KCNIP4: variants seen among roughly 807,000 people sequenced by gnomAD.
KCNIP4 encodes the protein Kv channel-interacting protein 4.
In KCNIP4, 12 loss-of-function variants were observed where a neutral mutation model predicts 34.0. The ratio of observed to expected loss-of-function variants is 0.35; its 90% CI spans 0.23 to 0.57. KCNIP4 has a LOEUF of 0.57. Ranked by LOEUF, KCNIP4 falls within the 20% of genes least tolerant of loss-of-function variation. The pLI is 0.83. For synonymous variants in KCNIP4, 124 were observed against 102.2 expected (o/e 1.21, Z -1.29); for missense variants, 238 against 311.7 (o/e 0.76, Z 1.78).
At chr4:21,389,230 C>G (rs1356804704) in intron 1 of KCNIP4, among the ~76,000 whole-genome samples, 1 of 152,066 alleles carries the variant, frequency 6.6e-6, no homozygotes, top group Non-Finnish European at 1.5e-5. Flanking sequence ...ATCCATCTGC[C>G]TCAGTCTCCC....
chr4:21,812,443 G>A (rs1721717265), intron 1 of KCNIP4, among the ~76,000 whole-genome samples: 1 of 151,982 alleles, frequency 6.6e-6, no homozygotes, highest in African/African-American at 2.4e-5. Context: ...TCATAACATA[G>A]CTGGAAAAAA....
At chr4:21,881,177 T>A (rs1726438193) in intron 1 of KCNIP4, among the ~76,000 whole-genome samples, 1 of 152,166 alleles carries the variant, frequency 6.6e-6, no homozygotes, top group Non-Finnish European at 1.5e-5. Context: ...TGCTGTTCTG[T>A]CTTGACTAAT....
At position 21,151,135 on chromosome 4, in the gene KCNIP4, T is replaced by C. The variant is rs562840807; in HGVS notation, c.62-268426A>G. Among the ~76,000 whole-genome samples the C allele has an allele frequency of 3.9e-3, 591 of 152,278 alleles. 1 individual carries two copies. Among genetic ancestry groups the C allele is most frequent in the African/African-American group, 0.011 (449 of 41,550 alleles). ...AAAGGAAATACCTGTGTTAGAAGACTTGTGAAAGAAACCTTTGTTCTTTCA... is the reference window on the plus strand; with the variant it reads ...AAAGGAAATACCTGTGTTAGAAGACCTGTGAAAGAAACCTTTGTTCTTTCA... On this transcript the variant is annotated intron_variant, in intron 1 of 8. Transcript: ENST00000382152.
chr4:21,875,629 G>T (rs1237477921), intron 1 of KCNIP4, among the ~76,000 whole-genome samples: 2 of 152,050 alleles, frequency 1.3e-5, no homozygotes. Flanking sequence ...CTTGTCACCG[G>T]AAATCAATGC....
At chr4:21,393,851 C>A (rs1176164319) in intron 1 of KCNIP4, among the ~76,000 whole-genome samples, 2 of 151,858 alleles carry the variant, frequency 1.3e-5, no homozygotes, top group Non-Finnish European at 2.9e-5. Flanking sequence ...TTAAAAGACA[C>A]CTTAGTAGAG....
At position 21,367,378 on chromosome 4, in the gene KCNIP4, T is replaced by C. The variant is rs113036793; in HGVS notation, c.62-484669A>G. Among the ~76,000 whole-genome samples, 5 of 152,294 alleles carry C rather than the reference T, an allele frequency of 3.3e-5. 1 individual carries two copies. The highest frequency in any genetic ancestry group is 1.2e-4 in the African/African-American group (5 of 41,576). On this transcript the variant is annotated intron_variant, in intron 1 of 8. Transcript: ENST00000382152. ...GCACCCACTTGATTCTTTTCTATCT[T>C]GTTGTATGCTGCTTCCTTTATTTGC...
chr4:21,860,358 T>C (rs1327091390), intron 1 of KCNIP4, among the ~76,000 whole-genome samples: 1 of 152,134 alleles, frequency 6.6e-6, no homozygotes, highest in East Asian at 1.9e-4. Flanking sequence ...GGTCTCGAAC[T>C]CCTGACCTCA....
intron 1 of KCNIP4, among the ~76,000 whole-genome samples, chr4:21,692,446 A>C (rs1711760737): frequency 6.6e-6 from 1 of 152,220 alleles, no homozygotes; most frequent in African/African-American, 2.4e-5. Context: ...AGGACAAAAT[A>C]ATTATCCTGA....
chr4:21,366,370 C>T (rs528402113), intron 1 of KCNIP4, among the ~76,000 whole-genome samples: 109 of 152,272 alleles, frequency 7.2e-4, no homozygotes, highest in Admixed American at 2.1e-3. Context: ...CCAGCAATTG[C>T]CTCTTCCTCA....
At chr4:21,735,043 C>A (rs1287888476) in intron 1 of KCNIP4, among the ~76,000 whole-genome samples, 1 of 152,028 alleles carries the variant, frequency 6.6e-6, no homozygotes, top group Non-Finnish European at 1.5e-5. Flanking sequence ...TGAATTTCTT[C>A]TGTGTTCCAA....
intron 1 of KCNIP4, among the ~76,000 whole-genome samples, chr4:21,595,117 T>C (rs1742538000): frequency 6.6e-6 from 1 of 152,116 alleles, no homozygotes. Flanking sequence ...ATTAGCTATT[T>C]GTCCTAATGC....
At chr4:21,255,799 C>T (rs937019316) in intron 1 of KCNIP4, among the ~76,000 whole-genome samples, 71 of 152,240 alleles carry the variant, frequency 4.7e-4, no homozygotes, top group African/African-American at 1.3e-3. Context: ...GACATTGACG[C>T]GGTCCCCAAT....
rs577846715 is a variant in KCNIP4, at chr4:21,484,225, A to C, written c.61+464346T>G. ...GCAGATCGCCTGAGGTCAGGAGTTC[A>C]AGACCAGCTTGACTAACATGGTGAA... On this transcript the variant is annotated intron_variant, in intron 1 of 8. Transcript: ENST00000382152. Among the ~76,000 whole-genome samples the C allele has an allele frequency of 2.6e-3, 401 of 152,150 alleles. 2 individuals are homozygous for C. Among genetic ancestry groups the C allele is most frequent in the Non-Finnish European group, 3.9e-3 (264 of 68,004 alleles).
chr4:20,973,199 C>A (rs1211446682), intron 1 of KCNIP4, among the ~76,000 whole-genome samples: 3 of 152,222 alleles, frequency 2.0e-5, no homozygotes, highest in Non-Finnish European at 4.4e-5. Context: ...CATTGAAAAT[C>A]TGTTTAGTGT....
At chr4:21,157,744 C>G (rs931473485) in intron 1 of KCNIP4, among the ~76,000 whole-genome samples, 51 of 151,958 alleles carry the variant, frequency 3.4e-4, no homozygotes, top group African/African-American at 1.2e-3. Context: ...AAATCAATAG[C>G]CTTAACTTCT....
At chr4:21,097,529 T>TATTACA (rs1197973360) in intron 1 of KCNIP4, among the ~76,000 whole-genome samples, 2 of 152,086 alleles carry the variant, frequency 1.3e-5, no homozygotes, top group East Asian at 3.9e-4. Flanking sequence ...TTTTGGTAAT[T>TATTACA]ATTACAATAT....
chr4:21,307,631 G>T (rs1712630449), intron 1 of KCNIP4, among the ~76,000 whole-genome samples: 1 of 152,208 alleles, frequency 6.6e-6, no homozygotes, highest in African/African-American at 2.4e-5. Flanking sequence ...GTGAGTGGTT[G>T]TTGAATGAAT....
At chr4:21,117,339 C>T (rs1396048396) in intron 1 of KCNIP4, among the ~76,000 whole-genome samples, 1 of 134,634 alleles carries the variant, frequency 7.4e-6, no homozygotes, top group Non-Finnish European at 1.6e-5. Context: ...TCATCTTCCT[C>T]GGTGATTCTC....
At chr4:21,553,957 A>C (rs928719964) in intron 1 of KCNIP4, among the ~76,000 whole-genome samples, 1 of 152,132 alleles carries the variant, frequency 6.6e-6, no homozygotes. Flanking sequence ...AGAGTGACAT[A>C]TCTTTCAGTG....
Sources: gnomAD v4.1 joint callset for allele counts (sites outside exome capture counted in the v4.1 genomes callset) on GRCh38, gnomAD v4.1.1 for gene constraint, MANE v1.5 for transcripts, NCBI Gene and HGNC (gene_info 2026-07-23, HGNC 2026-07-21) for gene names.